DAB1: variants seen among roughly 807,000 people sequenced by gnomAD.
DAB1 encodes DAB adaptor protein 1.
Under a neutral mutation model 64.6 loss-of-function variants are expected in DAB1, and 15 were observed. The ratio of observed to expected loss-of-function variants is 0.23; its 90% CI spans 0.16 to 0.36. The LOEUF is 0.36. DAB1 is among the 10% of genes least tolerant of loss of function. The pLI, the probability that DAB1 is intolerant of heterozygous loss-of-function variation, is 1.00. For missense variants in DAB1, 596 were observed against 706.7 expected (o/e 0.84, Z 1.78); for synonymous variants, 235 against 251.9 (o/e 0.93, Z 0.64).
intron 5 of DAB1, among the ~76,000 whole-genome samples, chr1:57,926,079 C>G (rs1165862386): frequency 6.6e-6 from 1 of 152,160 alleles, no homozygotes; most frequent in Non-Finnish European, 1.5e-5. Context: ...GATGGTTACC[C>G]AAGAGTCACA....
chr1:57,947,687 C>A (rs1179598088), intron 5 of DAB1, among the ~76,000 whole-genome samples: 1 of 152,014 alleles, frequency 6.6e-6, no homozygotes, highest in East Asian at 1.9e-4. Context: ...TGAACTAAGG[C>A]CCTCAGTGTG....
At chr1:57,736,625 C>T (rs1886139) in intron 6 of DAB1, among the ~76,000 whole-genome samples, 77,772 of 151,756 alleles carry the variant, frequency 0.51, 19,980 homozygotes, top group East Asian at 0.54. Flanking sequence ...AGAGCTTTTA[C>T]GACCTGCATT....
chr1:57,215,999 A>G (rs554882691), intron 2 of DAB1, among the ~76,000 whole-genome samples: 136 of 152,296 alleles, frequency 8.9e-4, no homozygotes, highest in African/African-American at 3.0e-3. Flanking sequence ...GAATCAGACC[A>G]AAGCAGGCAG....
intron 4 of DAB1, among the ~76,000 whole-genome samples, chr1:58,151,018 G>T (rs919966419): frequency 1.3e-5 from 2 of 152,168 alleles, no homozygotes; most frequent in African/African-American, 2.4e-5. Flanking sequence ...CAAAGGACAT[G>T]AACCCATCAT....
intron 3 of DAB1, among the ~76,000 whole-genome samples, chr1:58,376,491 G>T (rs1644327932): frequency 1.4e-5 from 2 of 142,236 alleles, no homozygotes; most frequent in Admixed American, 7.0e-5. Flanking sequence ...GAGTGGCTCT[G>T]AGTGAGATTC....
intron 5 of DAB1, among the ~76,000 whole-genome samples, chr1:58,028,930 AC>A (rs1035614690): frequency 3.3e-5 from 5 of 152,078 alleles, no homozygotes; most frequent in African/African-American, 1.2e-4. Context: ...TTAACACAGT[AC>A]CCCCTCCATG....
chr1:57,033,424 G>A (rs753500539), intron 9 of DAB1: 2 of 1,612,814 alleles, frequency 1.2e-6, no homozygotes, highest in East Asian at 4.5e-5. Flanking sequence ...TCTGTGGGCA[G>A]GTTTCTGTTC....
intron 4 of DAB1, among the ~76,000 whole-genome samples, chr1:58,339,114 C>A (rs12725541): frequency 0.011 from 1,655 of 152,102 alleles, 10 homozygotes; most frequent in Non-Finnish European, 0.014. Context: ...TTGTGAAAGT[C>A]ACTGAATCTT....
At chr1:57,496,037 G>A (rs1457458444) in intron 7 of DAB1, among the ~76,000 whole-genome samples, 1 of 152,214 alleles carries the variant, frequency 6.6e-6, no homozygotes. Context: ...ATTGATTACT[G>A]TTCCATGATG....
At chr1:57,737,487 A>G (rs929077625) in intron 6 of DAB1, among the ~76,000 whole-genome samples, 3 of 152,212 alleles carry the variant, frequency 2.0e-5, no homozygotes, top group African/African-American at 7.2e-5. Flanking sequence ...TGGTAAAGGT[A>G]TCTACCCATA....
chr1:58,088,378 T>C (rs1282199216), intron 5 of DAB1, among the ~76,000 whole-genome samples: 2 of 152,252 alleles, frequency 1.3e-5, no homozygotes, highest in Non-Finnish European at 2.9e-5. Flanking sequence ...ACTTGGCATC[T>C]GCTGTGTGCT....
chr1:57,123,011 A>T (rs573862991), intron 4 of DAB1, among the ~76,000 whole-genome samples: 2 of 152,134 alleles, frequency 1.3e-5, no homozygotes, highest in African/African-American at 4.8e-5. Flanking sequence ...CTTGCCCAAG[A>T]TACTACAGCT....
At chr1:57,305,125 G>A (rs1163298577) in intron 1 of DAB1, among the ~76,000 whole-genome samples, 1 of 152,202 alleles carries the variant, frequency 6.6e-6, no homozygotes, top group African/African-American at 2.4e-5. Context: ...ACGTGAGTGG[G>A]CTGCATTGAA....
intron 1 of DAB1, among the ~76,000 whole-genome samples, chr1:57,412,502 G>A (rs1490661217): frequency 6.6e-6 from 1 of 152,106 alleles, no homozygotes; most frequent in African/African-American, 2.4e-5. Flanking sequence ...TATTTCTCAG[G>A]GCAAACAAGA....
chr1:58,469,834 T>C (rs1383193201), intron 3 of DAB1, among the ~76,000 whole-genome samples: 1 of 152,202 alleles, frequency 6.6e-6, no homozygotes, highest in Non-Finnish European at 1.5e-5. Flanking sequence ...TGGATGGAGT[T>C]CCTTGGTGAG....
chr1:57,323,320 G>A (rs1390925216), intron 1 of DAB1, among the ~76,000 whole-genome samples: 1 of 152,170 alleles, frequency 6.6e-6, no homozygotes, highest in African/African-American at 2.4e-5. Flanking sequence ...GGAAGGCCAA[G>A]GAAGGCTTCC....
chr1:57,011,193 G>T lies in DAB1; in HGVS notation c.1524C>A (p.Ile508=). Residue 508 remains isoleucine (I), a synonymous_variant, in exon 13 of 15, where the codon ATC becomes ATA. Coordinates refer to ENST00000371236, the MANE Select transcript of DAB1 (RefSeq NM_001365792.1). ...SHASDPTTDD[I]FEEGFESPSK... The stretch of plus-strand genomic sequence containing the variant: ...TGGGACTTTCAAAGCCCTCTTCAAA[G>T]ATGTCATCTGTGGTAGGATCACTGG... The T allele has an allele frequency of 6.2e-7, 1 of 1,614,074 alleles. No homozygotes were observed. Among genetic ancestry groups the T allele is most frequent in the Non-Finnish European group, 8.5e-7 (1 of 1,179,938 alleles).
intron 1 of DAB1, among the ~76,000 whole-genome samples, chr1:58,545,468 G>T (rs1484918237): frequency 6.6e-6 from 1 of 151,702 alleles, no homozygotes; most frequent in Admixed American, 6.6e-5. Flanking sequence ...ATCTATTCAT[G>T]CATTTTCAAG....
At chr1:58,503,221 ATTG>A (rs1176059001) in intron 3 of DAB1, among the ~76,000 whole-genome samples, 2 of 152,154 alleles carry the variant, frequency 1.3e-5, no homozygotes, top group Non-Finnish European at 2.9e-5. Context: ...AGAAAATCAT[ATTG>A]TTATCATTGC....
Sources: allele counts gnomAD v4.1 joint callset (sites outside exome capture counted in the v4.1 genomes callset), GRCh38; gene constraint gnomAD v4.1.1; transcripts MANE v1.5; gene names NCBI Gene and HGNC (gene_info 2026-07-23, HGNC 2026-07-21).